The following NOX1 variants were observed in gnomAD, a reference collection of about 807,000 sequenced individuals.
The protein encoded by NOX1 is NADH/NADPH mitogenic oxidase subunit P65-MOX.
Under a neutral mutation model 42.5 loss-of-function variants are expected in NOX1, and 34 were observed. That is an observed-to-expected ratio of 0.80 (90% CI 0.61 to 1.07). NOX1 has a LOEUF of 1.07. Among genes scored for constraint, NOX1 ranks in the 50% least tolerant of loss-of-function variants. The pLI, the probability that NOX1 is intolerant of heterozygous loss-of-function variation, is 0.00. For missense variants in NOX1, 408 were observed against 427.0 expected (o/e 0.96, Z 0.39); for synonymous variants, 143 against 152.5 (o/e 0.94, Z 0.46).
intron 3 of NOX1, 73 bp from the exon 4 acceptor site, chrX:100,863,316 T>C: frequency 1.0e-6 from 1 of 956,715 alleles, no homozygotes; most frequent in African/African-American, 1.9e-5. Flanking sequence ...ATAACCAATA[T>C]GTCTTGCATA....
At position 100,862,394 on chromosome X, in the gene NOX1, A is replaced by C. The variant is rs2085210506; in HGVS notation, c.669T>G (p.Ile223Met). The change falls in exon 6 of 13, where the codon ATT (isoleucine) becomes ATG (methionine). Residue 223 changes from isoleucine (I) to methionine (M), a missense_variant and splice_region_variant. Transcript: ENST00000372966. ...GAATGAGGGTTCGAGGATCTTACCCAATGCCGTGAATCCCTAAGCCAAGGA... is the reference window on the plus strand; with the variant it reads ...GAATGAGGGTTCGAGGATCTTACCCCATGCCGTGAATCCCTAAGCCAAGGA... Reference protein sequence around the residue: ...FYILGLGIHGIGGIVRGQTEE... With the variant: ...FYILGLGIHGMGGIVRGQTEE... 8.3e-7 allele frequency: 1 copy of C among 1,210,556 alleles called. No homozygotes were observed. Among genetic ancestry groups the C allele is most frequent in the African/African-American group, 1.7e-5 (1 of 57,758 alleles).
rs151199139 is a variant in NOX1 at position 100,849,932 on chromosome X, A to G, written c.1136T>C (p.Ile379Thr). ...FEQQYSPIPR[I>T]EVDGPFGTAS... ...TGTGCCAAAGGGACCATCCACTTCAATCCTGGCAGAAGACAGAAGATAACG... is the reference window on the plus strand; with the variant it reads ...TGTGCCAAAGGGACCATCCACTTCAGTCCTGGCAGAAGACAGAAGATAACG... Residue 379 changes from isoleucine (I) to threonine (T), a missense_variant and splice_region_variant, in exon 10 of 13, where the codon ATT becomes ACT. By Grantham distance (89) the Ile-to-Thr change is moderately conservative. Transcript: ENST00000372966. 238 of 1,191,760 alleles carry G rather than the reference A, an allele frequency of 2.0e-4. No homozygotes were observed. The highest frequency in any genetic ancestry group is 2.6e-4 in the Non-Finnish European group (227 of 887,243).
chrX:100,853,736 A>G (rs967758535), intron 7 of NOX1, among the ~76,000 whole-genome samples: 2 of 110,499 alleles, frequency 1.8e-5, no homozygotes, highest in Admixed American at 9.5e-5. Flanking sequence ...GAGATTCACC[A>G]TGCTGGCCAG....
chrX:100,872,129 C>T (rs1166945659), intron 1 of NOX1, among the ~76,000 whole-genome samples: 1 of 112,018 alleles, frequency 8.9e-6, no homozygotes, highest in East Asian at 2.8e-4. Context: ...ACCGAACCTG[C>T]TTTACCAATC....
rs145880504 is a variant in NOX1 at position 100,858,080 on chromosome X, T to G, written c.804+4091A>C. Among the ~76,000 whole-genome samples, 911 of 112,053 alleles carry G rather than the reference T, an allele frequency of 8.1e-3. 8 individuals are homozygous for G. Among genetic ancestry groups the G allele is most frequent in the African/African-American group, 0.028 (849 of 30,868 alleles). On this transcript the variant is annotated intron_variant, in intron 7 of 12. Transcript: ENST00000372966. ...TATAGTTTGGGGTTTTACATTTAAG[T>G]CTTTAATCCATTTTGAGTTGGTTTT...
At chrX:100,846,942 C>T (rs901832066) in intron 12 of NOX1, among the ~76,000 whole-genome samples, 3 of 111,132 alleles carry the variant, frequency 2.7e-5, no homozygotes, top group African/African-American at 9.8e-5. Flanking sequence ...AATCCCAGCA[C>T]TTTGGGAGGC....
chrX:100,873,870 C>T (rs2085291026), intron 1 of NOX1, among the ~76,000 whole-genome samples: 1 of 111,517 alleles, frequency 9.0e-6, no homozygotes. Context: ...AAAATGAAAA[C>T]AGATTGAAAT....
At chrX:100,853,306 C>CTT (rs1569445627) in intron 7 of NOX1, among the ~76,000 whole-genome samples, 1 of 80,924 alleles carries the variant, frequency 1.2e-5, no homozygotes. Context: ...TTCTTTCTTT[C>CTT]TTTCTTTCTT....
intron 12 of NOX1, among the ~76,000 whole-genome samples, chrX:100,846,977 C>T (rs1016113278): frequency 3.6e-5 from 4 of 111,540 alleles, no homozygotes; most frequent in Non-Finnish European, 7.5e-5. Flanking sequence ...CACCTGAGGT[C>T]AGGAGTTCGA....
chrX:100,871,628 C>T (rs748091960), intron 1 of NOX1, among the ~76,000 whole-genome samples: 3 of 111,904 alleles, frequency 2.7e-5, no homozygotes, highest in Non-Finnish European at 5.6e-5. Flanking sequence ...TCTGCACTGG[C>T]TAAAGGTGAA....
At chrX:100,872,269 G>T (rs894321855) in intron 1 of NOX1, among the ~76,000 whole-genome samples, 1 of 111,876 alleles carries the variant, frequency 8.9e-6, no homozygotes, top group African/African-American at 3.3e-5. Context: ...GAGGAGAGAA[G>T]TTTATTTAGA....
chrX:100,853,547 T>C (rs988140465), intron 7 of NOX1, among the ~76,000 whole-genome samples: 3 of 105,685 alleles, frequency 2.8e-5, no homozygotes, highest in Non-Finnish European at 5.8e-5. Flanking sequence ...ACTACAGGCA[T>C]GCACCACCAC....
intron 7 of NOX1, among the ~76,000 whole-genome samples, chrX:100,851,734 G>A (rs1318279827): frequency 1.8e-5 from 2 of 110,995 alleles, no homozygotes; most frequent in African/African-American, 6.6e-5. Flanking sequence ...GCAACATAGC[G>A]AAACCCTGTC....
intron 7 of NOX1, chrX:100,856,268 C>A: frequency 2.2e-6 from 2 of 893,876 alleles, no homozygotes; most frequent in Non-Finnish European, 3.3e-6. Flanking sequence ...TGTGAGCATT[C>A]CCCATCACTC....
At chrX:100,857,648 C>T (rs1211876373) in intron 7 of NOX1, among the ~76,000 whole-genome samples, 1 of 109,979 alleles carries the variant, frequency 9.1e-6, no homozygotes. Flanking sequence ...AGCATTTTTT[C>T]ATATGCTTGT....
rs769835953 is a variant in NOX1 at position 100,849,758 on chromosome X, A to G, written c.1296+14T>C. ...AGACTCAGGCCAGAAGAAAAGTGAT[A>G]TACGGGATTATACCTTTTTTGTTTT... On this transcript the variant is annotated intron_variant, in intron 10 of 12. Transcript: ENST00000372966. 16 of 1,188,494 alleles carry G rather than the reference A, an allele frequency of 1.3e-5. No homozygotes were observed. The African/African-American group carries it at 1.9e-4, about 14-fold the overall frequency.
In NOX1 at chrX:100,870,253, TA is replaced by T. The variant is rs560653397; in HGVS notation, c.141+465del. Reference sequence around the variant, plus strand: ...GAAGAATGGTACCAGTTCCTCCTTGTAAAAAAAAAAAAAAAAGAAATAGGGG... The same window carrying T: ...GAAGAATGGTACCAGTTCCTCCTTGTAAAAAAAAAAAAAAAGAAATAGGGG... On this transcript the variant is annotated intron_variant, in intron 2 of 12. Coordinates refer to ENST00000372966, the MANE Select transcript of NOX1 (RefSeq NM_007052.5). Among the ~76,000 whole-genome samples, 519 of 91,310 alleles carry T rather than the reference TA, an allele frequency of 5.7e-3. 1 individual carries two copies. Among genetic ancestry groups the T allele is most frequent in the East Asian group, 0.018 (53 of 3,020 alleles). 79.3% of individuals were successfully genotyped at this position (91,310 alleles called of 115,157 possible). A position where few individuals can be genotyped will look rare whatever the true frequency, so the allele number is the denominator to read the frequency against.
At chrX:100,858,798 C>A (rs2085184273) in intron 7 of NOX1, among the ~76,000 whole-genome samples, 1 of 111,221 alleles carries the variant, frequency 9.0e-6, no homozygotes, top group African/African-American at 3.3e-5. Context: ...TGAAACTTTG[C>A]TGAAGCTGTT....
Position 100,850,368 on chromosome X carries a change from T to G in NOX1, c.916A>C (p.Lys306Gln), listed in dbSNP as rs1390703729. 2.5e-6 allele frequency: 3 copies of G among 1,188,013 alleles called. No individual in the cohort carries two copies. Among genetic ancestry groups the G allele is most frequent in the Non-Finnish European group, 3.4e-6 (3 of 880,933 alleles). ...VITKVVMHPSKVLELQMNKRG... is the reference protein window; with the variant it reads ...VITKVVMHPSQVLELQMNKRG... ...TTGTTCATCTGCAATTCCAAAACTTTGGATGGGTGCATAACAACCTGTGAA... is the reference window on the plus strand; with the variant it reads ...TTGTTCATCTGCAATTCCAAAACTTGGGATGGGTGCATAACAACCTGTGAA... The change falls in exon 9 of 13, where the codon AAA becomes CAA. Residue 306 changes from lysine (K) to glutamine (Q), a missense_variant. Lys to Gln is a moderately conservative substitution (Grantham distance 53). Transcript: ENST00000372966.
Sources: allele counts gnomAD v4.1 joint callset (sites outside exome capture counted in the v4.1 genomes callset), GRCh38; gene constraint gnomAD v4.1.1; transcripts MANE v1.5; gene names NCBI Gene and HGNC (gene_info 2026-07-23, HGNC 2026-07-21).